The following TRAPPC9 variants were observed in gnomAD, a reference collection of about 807,000 sequenced individuals.
The protein encoded by TRAPPC9 is trafficking protein particle complex subunit 9.
A neutral mutation model predicts 124.0 loss-of-function variants in TRAPPC9; 83 were observed. That is an observed-to-expected ratio of 0.67 (90% CI 0.56 to 0.80). The LOEUF is 0.80. Among genes scored for constraint, TRAPPC9 ranks in the 30% least tolerant of loss-of-function variants. The probability of loss-of-function intolerance (pLI) is 0.00; values close to 1 mark genes in which losing one functional copy is unlikely to be tolerated. For missense variants in TRAPPC9, 1,302 were observed against 1,508.3 expected (o/e 0.86, Z 2.27); for synonymous variants, 638 against 617.5 (o/e 1.03, Z -0.49).
At chr8:140,154,578 G>A (rs2061598792) in intron 17 of TRAPPC9, among the ~76,000 whole-genome samples, 1 of 152,080 alleles carries the variant, frequency 6.6e-6, no homozygotes, top group Admixed American at 6.6e-5. Context: ...TGCCACCTCT[G>A]CTTTGAGCAT....
chr8:140,175,658 C>T (rs969033339), intron 17 of TRAPPC9, among the ~76,000 whole-genome samples: 5 of 152,202 alleles, frequency 3.3e-5, no homozygotes, highest in Non-Finnish European at 7.3e-5. Context: ...AATCTGACGA[C>T]ATCCACGGGT....
chr8:139,991,526 G>C (rs867315203), intron 18 of TRAPPC9, among the ~76,000 whole-genome samples: 15 of 151,352 alleles, frequency 9.9e-5, no homozygotes, highest in Middle Eastern at 3.4e-3. Flanking sequence ...TTGGATGCTT[G>C]GTTTTAAGGC....
At chr8:140,436,613 A>G (rs183181984) in intron 3 of TRAPPC9, among the ~76,000 whole-genome samples, 29 of 152,254 alleles carry the variant, frequency 1.9e-4, no homozygotes, top group African/African-American at 6.7e-4. Flanking sequence ...GGCCCACGGC[A>G]CACAGCACCG....
At chr8:139,841,531 C>T (rs2130888412) in intron 21 of TRAPPC9, among the ~76,000 whole-genome samples, 1 of 152,336 alleles carries the variant, frequency 6.6e-6, no homozygotes, top group South Asian at 2.1e-4. Flanking sequence ...TGACTGTGCT[C>T]ATGGTCAACA....
At position 140,004,180 on chromosome 8, in the gene TRAPPC9, GT is replaced by G. The variant is rs1015920446; in HGVS notation, c.2700-15345del. 2.0e-5 allele frequency among the ~76,000 whole-genome samples: 3 copies of G among 152,136 alleles called. 1 individual carries two copies. Among genetic ancestry groups the G allele is most frequent in the Non-Finnish European group, 4.4e-5 (3 of 68,030 alleles). ...AGAATAGATCAGTGTTGCCACAACG[GT>G]GGGGCCGGGGAGATGCAGAGCATGA... is the stretch of plus-strand genomic sequence containing the variant. On this transcript the variant is annotated intron_variant, in intron 18 of 22. Coordinates refer to ENST00000438773, the MANE Select transcript of TRAPPC9 (RefSeq NM_001160372.4).
chr8:140,095,933 C>T (rs1844914241), intron 17 of TRAPPC9: 1 of 152,260 alleles, frequency 6.6e-6, no homozygotes, highest in African/African-American at 2.4e-5. Flanking sequence ...CACTTCCCAG[C>T]ATGTAACCCT....
chr8:139,985,877 A>T (rs1837208229), intron 19 of TRAPPC9, among the ~76,000 whole-genome samples: 1 of 152,268 alleles, frequency 6.6e-6, no homozygotes, highest in South Asian at 2.1e-4. Context: ...ATTTATATTT[A>T]GCTCCAAAGA....
chr8:139,977,395 G>A (rs2131640264), intron 19 of TRAPPC9, among the ~76,000 whole-genome samples: 1 of 152,144 alleles, frequency 6.6e-6, no homozygotes, highest in East Asian at 2.0e-4. Context: ...GCCGAGGCGG[G>A]TGGATCACGA....
At chr8:139,873,975 C>T (rs960590725) in intron 21 of TRAPPC9, among the ~76,000 whole-genome samples, 2 of 152,214 alleles carry the variant, frequency 1.3e-5, no homozygotes, top group Admixed American at 6.5e-5. Context: ...TGCTGCCTTG[C>T]CGAGGATCCA....
At chr8:140,384,932 C>T (rs1351441650) in intron 7 of TRAPPC9, among the ~76,000 whole-genome samples, 1 of 152,220 alleles carries the variant, frequency 6.6e-6, no homozygotes, top group Non-Finnish European at 1.5e-5. Context: ...AAGCACTCCT[C>T]AGCAAAGGTA....
At chr8:140,233,797 A>G (rs1241048237) in intron 16 of TRAPPC9, among the ~76,000 whole-genome samples, 5 of 150,918 alleles carry the variant, frequency 3.3e-5, no homozygotes, top group African/African-American at 9.7e-5. Context: ...CTTTTCACCT[A>G]TTTAAGTCCT....
intron 18 of TRAPPC9, among the ~76,000 whole-genome samples, chr8:140,007,398 T>C (rs1187223041): frequency 6.6e-6 from 1 of 152,256 alleles, no homozygotes; most frequent in Non-Finnish European, 1.5e-5. Context: ...ATGATGATTA[T>C]GTCTAATTTT....
intron 21 of TRAPPC9, among the ~76,000 whole-genome samples, chr8:139,804,386 ACAC>A (rs1181577699): frequency 1.9e-5 from 1 of 53,678 alleles, no homozygotes; most frequent in Non-Finnish European, 3.6e-5. Flanking sequence ...CCACCACCAA[ACAC>A]CACCACCACA....
intron 19 of TRAPPC9, among the ~76,000 whole-genome samples, chr8:139,977,916 G>A (rs1337031761): frequency 1.3e-5 from 2 of 151,806 alleles, no homozygotes; most frequent in Non-Finnish European, 2.9e-5. Context: ...CCTGACCTTA[G>A]GTGATCCACC....
chr8:140,227,132 G>C (rs1037163918), intron 16 of TRAPPC9, among the ~76,000 whole-genome samples: 3 of 152,192 alleles, frequency 2.0e-5, no homozygotes, highest in Non-Finnish European at 4.4e-5. Context: ...TACAGGAACA[G>C]AGCTGGAGAG....
intron 17 of TRAPPC9, among the ~76,000 whole-genome samples, chr8:140,136,655 C>A (rs771767155): frequency 6.6e-6 from 1 of 152,088 alleles, no homozygotes. Context: ...CTGGCCAATA[C>A]GGTGAAACCT....
rs200195467 is a variant in TRAPPC9, at chr8:140,393,032, T to TTTTTATTTTA, written c.1134+4578_1134+4587dup. 1.8e-3 allele frequency among the ~76,000 whole-genome samples: 243 copies of TTTTTATTTTA among 138,090 alleles called. 1 individual carries two copies. The highest frequency in any genetic ancestry group is 3.9e-3 in the Middle Eastern group (1 of 258). The allele number at this position is 138,090 out of a possible 152,430, so 90.6% of individuals were successfully genotyped here. A position where few individuals can be genotyped will look rare whatever the true frequency, so the allele number is the denominator to read the frequency against. On this transcript the variant is annotated intron_variant, in intron 7 of 22. Transcript: ENST00000438773. ...AGTGAATATTATCATTCCCATTTTA[T>TTTTTATTTTA]TTTTATTTTATTTTATTTTATTTTA...
At chr8:140,444,539 C>A (rs1038570983) in intron 2 of TRAPPC9, among the ~76,000 whole-genome samples, 1 of 152,080 alleles carries the variant, frequency 6.6e-6, no homozygotes, top group African/African-American at 2.4e-5. Context: ...GGCAGCTGCA[C>A]CTAAAACCCC....
At chr8:140,051,647 G>A (rs1363141740) in intron 17 of TRAPPC9, among the ~76,000 whole-genome samples, 1 of 146,110 alleles carries the variant, frequency 6.8e-6, no homozygotes, top group Non-Finnish European at 1.5e-5. Flanking sequence ...ACATTCTTAG[G>A]AAATGGAAAA....
Sources: allele counts gnomAD v4.1 joint callset (sites outside exome capture counted in the v4.1 genomes callset), GRCh38; gene constraint gnomAD v4.1.1; transcripts MANE v1.5; gene names NCBI Gene and HGNC (gene_info 2026-07-23, HGNC 2026-07-21).